Variants in UPK1B observed in about 807,000 individuals in gnomAD.
The protein encoded by UPK1B is uroplakin-1b.
UPK1B carries 28 observed loss-of-function variants against 34.2 expected under a neutral mutation model. That is an observed-to-expected ratio of 0.82 (90% CI 0.61 to 1.12). The LOEUF (loss-of-function observed/expected upper bound fraction) is 1.12. Among genes scored for constraint, UPK1B ranks in the 50% most tolerant of loss-of-function variants. The pLI is 0.00. For missense variants in UPK1B, 325 were observed against 320.9 expected, an observed-to-expected ratio of 1.01 and a Z score of -0.10; for synonymous variants, 81 against 110.4, an observed-to-expected ratio of 0.73 and a Z score of 1.67.
intron 6 of UPK1B, among the ~76,000 whole-genome samples, chr3:119,196,471 A>C (rs1161274981): frequency 1.3e-5 from 2 of 152,078 alleles, no homozygotes; most frequent in Non-Finnish European, 2.9e-5. Flanking sequence ...CCTGGCACAA[A>C]GCAAGCACCG....
Position 119,199,073 on chromosome 3 carries a change from T to C in UPK1B, c.665T>C (p.Ile222Thr). ...CTCCTTCAGGGCTGCTATGAACTGA[T>C]CTCTGGTCCAATGAACCGACACGCC... ...FYHNQGCYEL[I>T]SGPMNRHAWG... The change falls in exon 7 of 8, where the codon ATC becomes ACC. Residue 222 changes from isoleucine to threonine, a missense_variant. Ile to Thr is a moderately conservative substitution (Grantham distance 89, BLOSUM62 -1). Transcript: ENST00000264234. 6.2e-7 allele frequency: 1 copy of C among 1,614,180 alleles called. No homozygotes were observed. Among genetic ancestry groups the C allele is most frequent in the Non-Finnish European group, 8.5e-7 (1 of 1,180,006 alleles).
chr3:119,191,666 C>T (rs1000195042), intron 5 of UPK1B, among the ~76,000 whole-genome samples: 1 of 152,140 alleles, frequency 6.6e-6, no homozygotes, highest in Non-Finnish European at 1.5e-5. Context: ...TTATAGCCAC[C>T]ACTCCTTCTA....
intron 1 of UPK1B, among the ~76,000 whole-genome samples, chr3:119,177,128 A>C (rs1027819945): frequency 5.3e-5 from 8 of 152,246 alleles, no homozygotes; most frequent in African/African-American, 1.9e-4. Flanking sequence ...TCAGGAATGA[A>C]GGAGTGAGTC....
chr3:119,179,410 A>G (rs2077977571), intron 1 of UPK1B, among the ~76,000 whole-genome samples: 1 of 115,394 alleles, frequency 8.7e-6, no homozygotes, highest in Non-Finnish European at 1.8e-5. Flanking sequence ...AATTCTAAGG[A>G]ATTAACCTAT....
At chr3:119,184,709 G>A (rs1446744426) in intron 1 of UPK1B, among the ~76,000 whole-genome samples, 1 of 152,114 alleles carries the variant, frequency 6.6e-6, no homozygotes, top group Non-Finnish European at 1.5e-5. Context: ...CTGGGCAACA[G>A]AGCAAGACTC....
At chr3:119,174,940 A>G (rs1468519303) in intron 1 of UPK1B, among the ~76,000 whole-genome samples, 1 of 148,870 alleles carries the variant, frequency 6.7e-6, no homozygotes, top group East Asian at 2.0e-4. Flanking sequence ...TTTTACATCC[A>G]AAGGGGACCT....
chr3:119,177,300 G>A (rs992088003), intron 1 of UPK1B, among the ~76,000 whole-genome samples: 10 of 152,148 alleles, frequency 6.6e-5, no homozygotes, highest in African/African-American at 1.9e-4. Context: ...GAGGTCAAGA[G>A]TTTCTCTTAA....
rs1258666462 is a variant in UPK1B, at chr3:119,199,134, CT to C, written c.727del (p.Trp243GlyfsTer43). On this transcript the variant is annotated frameshift_variant, in exon 7 of 8. Coordinates refer to ENST00000264234, the MANE Select transcript of UPK1B (RefSeq NM_006952.4). LOFTEE classifies it high-confidence loss of function. ...CCTGGTTTGGATTTGCCATTCTCTG[CT>C]GGACTGTGAGTATTTCCCAGCACAT... is the stretch of plus-strand genomic sequence containing the variant. ...VAWFGFAILC[W>X]TFWVLLGTMF... 6.2e-7 allele frequency: 1 copy of C among 1,614,128 alleles called. No individual in the cohort carries two copies.
intron 7 of UPK1B, among the ~76,000 whole-genome samples, chr3:119,202,533 G>A (rs984136132): frequency 6.6e-5 from 10 of 152,144 alleles, no homozygotes; most frequent in African/African-American, 2.4e-4. Flanking sequence ...GCTCTAGCTT[G>A]GGGTAGGTAG....
intron 1 of UPK1B, among the ~76,000 whole-genome samples, chr3:119,184,824 T>C (rs1316210717): frequency 6.6e-6 from 1 of 152,134 alleles, no homozygotes; most frequent in Non-Finnish European, 1.5e-5. Context: ...GGTGCTGAAT[T>C]TGGCCTCTAC....
At chr3:119,181,819 T>C (rs1394971030) in intron 1 of UPK1B, among the ~76,000 whole-genome samples, 1 of 152,202 alleles carries the variant, frequency 6.6e-6, no homozygotes, top group Non-Finnish European at 1.5e-5. Context: ...TCCTCCTACT[T>C]TGGAGACTCT....
At chr3:119,184,594 T>C (rs939119021) in intron 1 of UPK1B, among the ~76,000 whole-genome samples, 1 of 145,056 alleles carries the variant, frequency 6.9e-6, no homozygotes, top group Non-Finnish European at 1.5e-5. Context: ...GGTGTGGCGG[T>C]GGGCACCTGT....
At chr3:119,203,192 T>C (rs1489570570) in intron 7 of UPK1B, among the ~76,000 whole-genome samples, 5 of 151,412 alleles carry the variant, frequency 3.3e-5, no homozygotes, top group African/African-American at 1.2e-4. Context: ...AATACAAAAA[T>C]TAGCCGGGCA....
chr3:119,185,004 C>A (rs2078010709), intron 1 of UPK1B, among the ~76,000 whole-genome samples: 1 of 152,214 alleles, frequency 6.6e-6, no homozygotes, highest in Non-Finnish European at 1.5e-5. Flanking sequence ...GAGTAAGTTT[C>A]CCCCTTGGGG....
chr3:119,200,604 T>C (rs1576873225), intron 7 of UPK1B, among the ~76,000 whole-genome samples: 1 of 152,236 alleles, frequency 6.6e-6, no homozygotes, highest in Non-Finnish European at 1.5e-5. Flanking sequence ...ACATGTGGCA[T>C]TGATATTGCC....
intron 6 of UPK1B, among the ~76,000 whole-genome samples, chr3:119,198,455 C>A (rs1005182827): frequency 2.0e-5 from 3 of 152,322 alleles, no homozygotes; most frequent in South Asian, 4.1e-4. Flanking sequence ...TTGTGGCATG[C>A]ATGAATGGAT....
Position 119,204,614 on chromosome 3 carries a change from T to A in UPK1B, c.*647T>A, listed in dbSNP as rs1290986200. 7 of 152,296 alleles carry A rather than the reference T, an allele frequency of 4.6e-5. No individual in the cohort carries two copies. The highest frequency in any genetic ancestry group is 1.7e-4 in the African/African-American group (7 of 41,410). 9.4% of individuals were successfully genotyped at this position (152,296 alleles called of 1,614,324 possible). ...AGTGTGGGCTGGGCGTGGGGGCTCA[T>A]GCCTGTAATCCCAGCACTTTGGGAG... On this transcript the variant is annotated 3_prime_UTR_variant, in exon 8 of 8. Transcript: ENST00000264234.
intron 6 of UPK1B, among the ~76,000 whole-genome samples, chr3:119,197,601 T>C (rs1161184739): frequency 1.3e-5 from 2 of 152,250 alleles, no homozygotes; most frequent in Non-Finnish European, 2.9e-5. Flanking sequence ...GTTCCATTCA[T>C]TCTGTAAATG....
chr3:119,179,201 C>T (rs2077973721), intron 1 of UPK1B, among the ~76,000 whole-genome samples: 1 of 150,868 alleles, frequency 6.6e-6, no homozygotes, highest in African/African-American at 2.4e-5. Context: ...TGTGCATGCA[C>T]CTGTGGTCCT....
Sources: allele counts gnomAD v4.1 joint callset (sites outside exome capture counted in the v4.1 genomes callset), GRCh38; gene constraint gnomAD v4.1.1; transcripts MANE v1.5; gene names NCBI Gene and HGNC (gene_info 2026-07-23, HGNC 2026-07-21).